Variants in CENPW observed in about 807,000 individuals in gnomAD.
CENPW encodes cancer-up-regulated gene 2 protein.
CENPW carries 3 observed loss-of-function variants against 11.1 expected under a neutral mutation model. The observed-to-expected ratio is 0.27, with a 90% confidence interval of 0.12 to 0.70. The LOEUF (loss-of-function observed/expected upper bound fraction) is 0.70, where lower values mean the gene tolerates loss of function less well. Among genes scored for constraint, CENPW ranks in the 30% least tolerant of loss-of-function variants. The pLI is 0.77. For synonymous variants in CENPW, 38 were observed against 42.0 expected (o/e 0.91, Z 0.37); for missense variants, 100 against 105.6 (o/e 0.95, Z 0.23).
chr6:126,409,468 G>C, the CENPW span, among the ~76,000 whole-genome samples: 326 of 150,622 alleles, frequency 2.2e-3, 3 homozygotes, highest in South Asian at 6.6e-3. Flanking sequence ...ATGTTTCATT[G>C]TGGATTTTGT....
the CENPW span, among the ~76,000 whole-genome samples, chr6:126,420,635 T>A: frequency 2.0e-5 from 3 of 152,064 alleles, no homozygotes; most frequent in Admixed American, 6.6e-5. Context: ...GAAGAAGAAA[T>A]TGACTTTAGA....
At chr6:126,373,862 GCTC>G in the CENPW span, among the ~76,000 whole-genome samples, 1 of 152,188 alleles carries the variant, frequency 6.6e-6, no homozygotes, top group African/African-American at 2.4e-5. Context: ...GATAGAATAA[GCTC>G]CACCTCTTGA....
At chr6:126,438,311 A>G in the CENPW span, among the ~76,000 whole-genome samples, 1 of 151,736 alleles carries the variant, frequency 6.6e-6, no homozygotes, top group Non-Finnish European at 1.5e-5. Flanking sequence ...TTTGGATACA[A>G]ACCTTAAATA....
At chr6:126,467,131 GA>G in the CENPW span, among the ~76,000 whole-genome samples, 224 of 152,162 alleles carry the variant, frequency 1.5e-3, no homozygotes, top group Admixed American at 3.3e-3. Context: ...CCACAGGCTA[GA>G]AAAAAACTAT....
At chr6:126,466,852 A>G in the CENPW span, among the ~76,000 whole-genome samples, 1 of 152,136 alleles carries the variant, frequency 6.6e-6, no homozygotes, top group African/African-American at 2.4e-5. Context: ...CAAGAGCCAA[A>G]CCAAGAGCCA....
the CENPW span, among the ~76,000 whole-genome samples, chr6:126,456,372 C>T: frequency 3.3e-5 from 5 of 151,462 alleles, no homozygotes; most frequent in Non-Finnish European, 7.4e-5. Context: ...GCCAATGGAA[C>T]AGAATAGCGT....
At chr6:126,384,672 G>A in the CENPW span, among the ~76,000 whole-genome samples, 59 of 152,082 alleles carry the variant, frequency 3.9e-4, no homozygotes, top group Non-Finnish European at 6.8e-4. Flanking sequence ...TAAAAACCCT[G>A]GAAGACAATC....
chr6:126,447,267 C>T, the CENPW span, among the ~76,000 whole-genome samples: 2 of 151,146 alleles, frequency 1.3e-5, no homozygotes, highest in Non-Finnish European at 3.0e-5. Flanking sequence ...TGATAAATAA[C>T]TTTATTAGAA....
chr6:126,477,043 T>C, the CENPW span, among the ~76,000 whole-genome samples: 2 of 152,086 alleles, frequency 1.3e-5, no homozygotes, highest in Admixed American at 6.6e-5. Flanking sequence ...AAATAAAAGC[T>C]GAAGAAATTA....
the CENPW span, among the ~76,000 whole-genome samples, chr6:126,354,137 G>T: frequency 6.6e-6 from 1 of 151,376 alleles, no homozygotes; most frequent in South Asian, 2.1e-4. Context: ...TCAAATAATG[G>T]GTATTTTGTT....
chr6:126,449,984 C>T, the CENPW span, among the ~76,000 whole-genome samples: 2 of 150,932 alleles, frequency 1.3e-5, no homozygotes, highest in African/African-American at 4.8e-5. Context: ...TTTGAAATTT[C>T]CACAGTGCCC....
At chr6:126,429,617 G>C in the CENPW span, among the ~76,000 whole-genome samples, 1 of 152,186 alleles carries the variant, frequency 6.6e-6, no homozygotes, top group Non-Finnish European at 1.5e-5. Context: ...ACAGCCTGCA[G>C]AACCATGTGC....
downstream of CENPW, among the ~76,000 whole-genome samples, chr6:126,353,139 C>T (rs943869522): frequency 2.6e-5 from 4 of 151,900 alleles, no homozygotes; most frequent in Non-Finnish European, 4.4e-5. Context: ...TTGGTACTGT[C>T]ACTACTAAGT....
the CENPW span, among the ~76,000 whole-genome samples, chr6:126,389,009 G>GA: frequency 2.0e-5 from 3 of 151,968 alleles, no homozygotes; most frequent in South Asian, 4.1e-4. Context: ...AGTAGTCAAT[G>GA]AAAAAATTGT....
chr6:126,417,569 C>T, the CENPW span, among the ~76,000 whole-genome samples: 2 of 152,062 alleles, frequency 1.3e-5, no homozygotes, highest in Admixed American at 6.6e-5. Flanking sequence ...TGGGTCTTTC[C>T]TGTGCTGTTC....
At chr6:126,419,614 A>G in the CENPW span, among the ~76,000 whole-genome samples, 1 of 152,160 alleles carries the variant, frequency 6.6e-6, no homozygotes, top group Non-Finnish European at 1.5e-5. Context: ...ACACAAATTT[A>G]TTACTTTACA....
chr6:126,371,056 C>T, the CENPW span, among the ~76,000 whole-genome samples: 6 of 152,072 alleles, frequency 3.9e-5, no homozygotes, highest in Non-Finnish European at 7.4e-5. Flanking sequence ...CGTGAGCCAC[C>T]GTGCCTGGCA....
chr6:126,458,335 C>A, the CENPW span, among the ~76,000 whole-genome samples: 4 of 151,274 alleles, frequency 2.6e-5, no homozygotes, highest in African/African-American at 7.3e-5. Context: ...TGTCCCCAGT[C>A]AAACTGCTCT....
the CENPW span, among the ~76,000 whole-genome samples, chr6:126,437,615 C>T: frequency 6.6e-6 from 1 of 151,884 alleles, no homozygotes; most frequent in Non-Finnish European, 1.5e-5. Flanking sequence ...TGGAGACATA[C>T]TTTAAGAAAG....
Sources: allele counts gnomAD v4.1 joint callset (sites outside exome capture counted in the v4.1 genomes callset), GRCh38; gene constraint gnomAD v4.1.1; transcripts MANE v1.5; gene names NCBI Gene and HGNC (gene_info 2026-07-23, HGNC 2026-07-21).